The following NKAIN2 variants were observed in gnomAD, a reference collection of about 807,000 sequenced individuals.
The protein encoded by NKAIN2 is sodium/potassium transporting ATPase interacting 2.
In NKAIN2, 14 loss-of-function variants were observed where a neutral mutation model predicts 32.6. The observed-to-expected ratio is 0.43, with a 90% CI of 0.28 to 0.67. The LOEUF is 0.67. Ranked by LOEUF, NKAIN2 falls within the 30% of genes least tolerant of loss-of-function variation. The pLI is 0.17. For missense variants in NKAIN2, 198 were observed against 258.3 expected (o/e 0.77, Z 1.60); for synonymous variants, 80 against 87.2 (o/e 0.92, Z 0.46).
At position 123,915,464 on chromosome 6, in the gene NKAIN2, T is replaced by A. The variant is rs551958199; in HGVS notation, c.54+111210T>A. Among the ~76,000 whole-genome samples, 139 of 152,166 alleles carry A rather than the reference T, an allele frequency of 9.1e-4. 1 individual carries two copies. Among genetic ancestry groups the A allele is most frequent in the Non-Finnish European group, 1.5e-3 (104 of 68,030 alleles). ...ATGCAGGACACCACATAGTACTTTC[T>A]AACTTTGATATTGCCTATGACCTAG... On this transcript the variant is annotated intron_variant, in intron 1 of 6. Transcript: ENST00000368417.
intron 4 of NKAIN2, among the ~76,000 whole-genome samples, chr6:124,722,789 C>T (rs1776087373): frequency 6.6e-6 from 1 of 152,208 alleles, no homozygotes; most frequent in African/African-American, 2.4e-5. Flanking sequence ...ATTTTACATT[C>T]CTGCAAACAG....
intron 4 of NKAIN2, among the ~76,000 whole-genome samples, chr6:124,758,894 C>T (rs538966273): frequency 6.6e-6 from 1 of 152,190 alleles, no homozygotes; most frequent in Non-Finnish European, 1.5e-5. Flanking sequence ...TATTTCCTCA[C>T]ATTGTCTGGT....
At chr6:124,089,450 T>C (rs1784328076) in intron 1 of NKAIN2, among the ~76,000 whole-genome samples, 1 of 151,936 alleles carries the variant, frequency 6.6e-6, no homozygotes, top group African/African-American at 2.4e-5. Context: ...TTTGATTTTG[T>C]AAACCTTGCT....
chr6:124,565,964 T>G (rs1780894710), intron 3 of NKAIN2, among the ~76,000 whole-genome samples: 1 of 152,212 alleles, frequency 6.6e-6, no homozygotes, highest in South Asian at 2.1e-4. Context: ...AGATTTGCTG[T>G]GCTAAGCAGT....
intron 1 of NKAIN2, among the ~76,000 whole-genome samples, chr6:124,029,613 G>A (rs1038201618): frequency 1.3e-5 from 2 of 152,062 alleles, no homozygotes; most frequent in African/African-American, 4.8e-5. Context: ...GTTTAGTTTA[G>A]AGAAGTGAGG....
intron 1 of NKAIN2, among the ~76,000 whole-genome samples, chr6:124,151,059 C>A (rs1417422836): frequency 1.3e-5 from 2 of 151,904 alleles, no homozygotes; most frequent in East Asian, 1.9e-4. Flanking sequence ...AACCCTTTGT[C>A]ATGTTTCTTT....
intron 1 of NKAIN2, among the ~76,000 whole-genome samples, chr6:124,134,607 C>T (rs1055944544): frequency 1.3e-5 from 2 of 152,120 alleles, no homozygotes. Flanking sequence ...TTGCTTGAAC[C>T]CAGTAGGCGG....
At chr6:123,907,789 C>G (rs930888835) in intron 1 of NKAIN2, among the ~76,000 whole-genome samples, 4 of 152,222 alleles carry the variant, frequency 2.6e-5, no homozygotes, top group East Asian at 1.9e-4. Context: ...GACTTTCCCC[C>G]CTTCATCTTC....
intron 1 of NKAIN2, among the ~76,000 whole-genome samples, chr6:124,167,824 T>C (rs1033371560): frequency 6.6e-6 from 1 of 152,230 alleles, no homozygotes; most frequent in African/African-American, 2.4e-5. Flanking sequence ...ATTACATTTA[T>C]TGATTTGTGT....
At chr6:123,839,756 GT>G in intron 1 of NKAIN2, among the ~76,000 whole-genome samples, 1 of 152,018 alleles carries the variant, frequency 6.6e-6, no homozygotes, top group Admixed American at 6.6e-5. Flanking sequence ...TGATTCATGG[GT>G]ATTTATCTAG....
At chr6:124,804,039 G>A (rs559529231) in intron 5 of NKAIN2, among the ~76,000 whole-genome samples, 4 of 152,250 alleles carry the variant, frequency 2.6e-5, no homozygotes, top group African/African-American at 9.6e-5. Flanking sequence ...CAGAGCAATT[G>A]TGACCTGATT....
At chr6:124,590,817 G>A (rs1781884141) in intron 3 of NKAIN2, among the ~76,000 whole-genome samples, 1 of 152,216 alleles carries the variant, frequency 6.6e-6, no homozygotes, top group South Asian at 2.1e-4. Flanking sequence ...ATGTCTTAAA[G>A]CTCCAGAGGA....
Position 124,728,830 on chromosome 6 carries a change from AAG to A in NKAIN2, c.475-62503_475-62502del, listed in dbSNP as rs879765934. Among the ~76,000 whole-genome samples the A allele has an allele frequency of 5.6e-4, 85 of 151,826 alleles. 1 individual carries two copies. The highest frequency in any genetic ancestry group is 1.9e-3 in the African/African-American group (77 of 41,366). ...CGCTAGCAAGACTAATAAAGAAAAA[AAG>A]AGAGAAGAATCTAATAGACGCAATA... On this transcript the variant is annotated intron_variant, in intron 4 of 6. Coordinates refer to ENST00000368417, the MANE Select transcript of NKAIN2 (RefSeq NM_001040214.3).
intron 1 of NKAIN2, chr6:124,282,194 A>G (rs1329916591): frequency 3.4e-6 from 1 of 297,586 alleles, no homozygotes; most frequent in Admixed American, 4.8e-5. Context: ...TTCTCCTCTC[A>G]CTGCTTAGAT....
intron 3 of NKAIN2, among the ~76,000 whole-genome samples, chr6:124,438,160 A>C (rs1237282632): frequency 6.6e-6 from 1 of 152,128 alleles, no homozygotes; most frequent in Non-Finnish European, 1.5e-5. Flanking sequence ...ATAATTTGTA[A>C]TCTGAGAAAG....
At chr6:124,769,978 C>T (rs758645389) in intron 4 of NKAIN2, among the ~76,000 whole-genome samples, 2 of 152,128 alleles carry the variant, frequency 1.3e-5, no homozygotes, top group Non-Finnish European at 2.9e-5. Context: ...GAGTTAATCT[C>T]TTTTCCTTTA....
chr6:124,641,903 G>A (rs141737030), intron 3 of NKAIN2, among the ~76,000 whole-genome samples: 11 of 152,042 alleles, frequency 7.2e-5, no homozygotes, highest in East Asian at 5.8e-4. Context: ...TTACTTATAT[G>A]TTTTTAGAGC....
At chr6:124,672,039 T>C (rs1562316686) in intron 4 of NKAIN2, among the ~76,000 whole-genome samples, 1 of 151,976 alleles carries the variant, frequency 6.6e-6, no homozygotes, top group Non-Finnish European at 1.5e-5. Flanking sequence ...AAGAAACTGT[T>C]CTAAATATTT....
intron 1 of NKAIN2, among the ~76,000 whole-genome samples, chr6:123,974,849 C>A (rs987893361): frequency 6.6e-5 from 10 of 152,164 alleles, no homozygotes; most frequent in African/African-American, 2.4e-4. Context: ...CTGCACAACT[C>A]TTATTAACAT....
Sources: allele counts gnomAD v4.1 joint callset (sites outside exome capture counted in the v4.1 genomes callset), GRCh38; gene constraint gnomAD v4.1.1; transcripts MANE v1.5; gene names NCBI Gene and HGNC (gene_info 2026-07-23, HGNC 2026-07-21).